The following PCDH11Y variants were observed in gnomAD, a reference collection of about 807,000 sequenced individuals.
The protein encoded by PCDH11Y is protocadherin 11 Y-linked.
For missense variants in PCDH11Y, 12 were observed against 224.8 expected (o/e 0.05, Z 6.05); for synonymous variants, 9 against 83.6 (o/e 0.11, Z 4.87).
At chrY:5,380,514 C>A (rs2053203661) in intron 2 of PCDH11Y, among the ~76,000 whole-genome samples, 1 of 21,373 alleles carries the variant, frequency 4.7e-5, no homozygotes, top group African/African-American at 1.9e-4. Context: ...CGCTCCTTAT[C>A]ACCTCTACCA....
At chrY:5,496,876 A>G in intron 2 of PCDH11Y, among the ~76,000 whole-genome samples, 1 of 32,252 alleles carries the variant, frequency 3.1e-5, no homozygotes, top group Non-Finnish European at 7.5e-5. Flanking sequence ...ACTCCCACTT[A>G]AGAGTGACAA....
intron 2 of PCDH11Y, among the ~76,000 whole-genome samples, chrY:5,137,936 T>C (rs2052842838): frequency 3.0e-5 from 1 of 32,909 alleles, no homozygotes; most frequent in African/African-American, 1.2e-4. Flanking sequence ...TGATGGATAT[T>C]TGCAGAACAT....
intron 1 of PCDH11Y, among the ~76,000 whole-genome samples, chrY:5,001,301 T>C: frequency 2.4e-4 from 8 of 33,958 alleles, no homozygotes; most frequent in Admixed American, 2.1e-3. Flanking sequence ...GTGTGAGAAA[T>C]ACTGCCTATT....
intron 2 of PCDH11Y, among the ~76,000 whole-genome samples, chrY:5,438,032 A>G (rs2053277023): frequency 3.2e-5 from 1 of 31,677 alleles, no homozygotes; most frequent in Admixed American, 3.0e-4. Context: ...ACTTATTACC[A>G]ATCCAGGAAA....
At chrY:5,030,833 A>G in intron 1 of PCDH11Y, 1 of 32,867 alleles carries the variant, frequency 3.0e-5, no homozygotes, top group Non-Finnish European at 7.5e-5. Flanking sequence ...TAGTATAATA[A>G]TTATCATCTA....
intron 2 of PCDH11Y, among the ~76,000 whole-genome samples, chrY:5,179,203 A>G (rs2052897214): frequency 3.0e-5 from 1 of 33,370 alleles, no homozygotes; most frequent in African/African-American, 1.2e-4. Flanking sequence ...GAATCACCAC[A>G]CTGTCTTCCA....
At chrY:5,303,073 TC>T (rs2053085340) in intron 2 of PCDH11Y, among the ~76,000 whole-genome samples, 1 of 32,921 alleles carries the variant, frequency 3.0e-5, no homozygotes, top group African/African-American at 1.2e-4. Context: ...CATCTTCAAG[TC>T]ATTTTAAGAG....
At chrY:5,218,328 G>A in intron 2 of PCDH11Y, among the ~76,000 whole-genome samples, 2 of 32,924 alleles carry the variant, frequency 6.1e-5, no homozygotes, top group Non-Finnish European at 7.5e-5. Context: ...GGCTGCTTTC[G>A]GGAAATAAAA....
At chrY:5,244,480 G>C in intron 2 of PCDH11Y, among the ~76,000 whole-genome samples, 5 of 33,348 alleles carry the variant, frequency 1.5e-4, no homozygotes, top group Non-Finnish European at 3.0e-4. Flanking sequence ...TCCATGGAGA[G>C]GAAGGAAGAA....
At chrY:5,357,251 G>A (rs1569343533) in intron 2 of PCDH11Y, among the ~76,000 whole-genome samples, 7 of 15,252 alleles carry the variant, frequency 4.6e-4, no homozygotes, top group East Asian at 4.5e-3. Flanking sequence ...ATATATATAC[G>A]TATATATATA....
chrY:5,392,734 A>G, intron 2 of PCDH11Y, among the ~76,000 whole-genome samples: 1 of 33,154 alleles, frequency 3.0e-5, no homozygotes, highest in East Asian at 8.0e-4. Context: ...ATAGTTAGTG[A>G]TATTTCTTTA....
At chrY:5,322,005 G>A in intron 2 of PCDH11Y, among the ~76,000 whole-genome samples, 1 of 30,764 alleles carries the variant, frequency 3.3e-5, no homozygotes, top group Non-Finnish European at 7.7e-5. Context: ...GGAAAGATGC[G>A]GGGAAATATA....
intron 2 of PCDH11Y, among the ~76,000 whole-genome samples, chrY:5,257,803 T>A: frequency 3.1e-5 from 1 of 32,072 alleles, no homozygotes; most frequent in Non-Finnish European, 7.6e-5. Flanking sequence ...AATACTGGCC[T>A]CATAGAATGA....
chrY:5,393,871 T>C, intron 2 of PCDH11Y, among the ~76,000 whole-genome samples: 1 of 30,268 alleles, frequency 3.3e-5, no homozygotes, highest in Non-Finnish European at 7.8e-5. Context: ...CCATTGCAAG[T>C]TATTTTAGAT....
rs1602833701 is a variant in PCDH11Y, at chrY:5,003,674, A to G, written c.-134+3069A>G. ...CCCGCGCTCCAAATTGGGATGATGC[A>G]GGAATAGGTTTCTTTAAGACGGAAG... On this transcript the variant is annotated intron_variant, in intron 1 of 5. Coordinates refer to the PCDH11Y transcript ENST00000333703. Among the ~76,000 whole-genome samples the G allele has an allele frequency of 1.2e-4, 4 of 34,021 alleles. No homozygotes were observed. The South Asian group carries it at 2.6e-3, about 22-fold the overall frequency. The allele number at this position is 34,021 out of a possible 37,273, so 91.3% of individuals were successfully genotyped here. A position where few individuals can be genotyped will look rare whatever the true frequency, so the allele number is the denominator to read the frequency against.
At chrY:5,122,793 C>T in intron 2 of PCDH11Y, among the ~76,000 whole-genome samples, 1 of 30,478 alleles carries the variant, frequency 3.3e-5, no homozygotes, top group Non-Finnish European at 7.9e-5. Context: ...AGATTTTATG[C>T]AAGTATCCAA....
chrY:5,323,485 C>A, intron 2 of PCDH11Y, among the ~76,000 whole-genome samples: 1 of 33,138 alleles, frequency 3.0e-5, no homozygotes, highest in Non-Finnish European at 7.4e-5. Flanking sequence ...GCTTGAGCCA[C>A]TGCACCCGGC....
chrY:5,027,747 A>G, intron 1 of PCDH11Y, among the ~76,000 whole-genome samples: 4 of 26,919 alleles, frequency 1.5e-4, no homozygotes, highest in African/African-American at 3.1e-4. Context: ...TTCTTTAAAA[A>G]GGGGATAAAG....
At chrY:5,512,459 C>T (rs1222653538) in intron 3 of PCDH11Y, among the ~76,000 whole-genome samples, 1 of 25,576 alleles carries the variant, frequency 3.9e-5, no homozygotes, top group Non-Finnish European at 8.4e-5. Context: ...GCCTGGGTGA[C>T]AGAGCCAGAC....
Sources: gnomAD v4.1 joint callset for allele counts (sites outside exome capture counted in the v4.1 genomes callset) on GRCh38, gnomAD v4.1.1 for gene constraint, MANE v1.5 for transcripts, NCBI Gene and HGNC (gene_info 2026-07-23, HGNC 2026-07-21) for gene names.